Variants in TBXAS1 observed in about 807,000 individuals in gnomAD.
TBXAS1 encodes thromboxane A synthase 1, also known as thromboxane-A synthase.
TBXAS1 carries 48 observed loss-of-function variants against 60.7 expected under a neutral mutation model. That is an observed-to-expected ratio of 0.79 (90% CI 0.63 to 1.01). The LOEUF is 1.01. TBXAS1 is among the 50% of genes least tolerant of loss of function. The pLI, the probability that TBXAS1 is intolerant of heterozygous loss-of-function variation, is 0.00. For synonymous variants in TBXAS1, 287 were observed against 269.7 expected (o/e 1.06, Z -0.63); for missense variants, 685 against 686.3 (o/e 1.00, Z 0.02).
At chr7:139,919,596 C>T (rs1178322891) in intron 4 of TBXAS1, among the ~76,000 whole-genome samples, 1 of 152,204 alleles carries the variant, frequency 6.6e-6, no homozygotes, top group Non-Finnish European at 1.5e-5. Flanking sequence ...GCCTTTCATC[C>T]CTTTCTCCCG....
intron 1 of TBXAS1, among the ~76,000 whole-genome samples, chr7:139,847,997 T>C (rs1306060817): frequency 6.6e-6 from 1 of 152,026 alleles, no homozygotes; most frequent in Non-Finnish European, 1.5e-5. Flanking sequence ...AATTTTTAAA[T>C]TTTTTGTAGA....
chr7:139,911,730 G>A (rs539701943), intron 4 of TBXAS1, among the ~76,000 whole-genome samples: 2 of 152,188 alleles, frequency 1.3e-5, no homozygotes, highest in African/African-American at 2.4e-5. Flanking sequence ...GAAAGTATAA[G>A]AGTATTAAGG....
At chr7:139,984,605 TAAGA>T (rs1186785353) in intron 9 of TBXAS1, among the ~76,000 whole-genome samples, 3 of 25,874 alleles carry the variant, frequency 1.2e-4, no homozygotes, top group Admixed American at 4.3e-4. Flanking sequence ...AATAAAAAAA[TAAGA>T]AAGAAAGAGA....
intron 3 of TBXAS1, among the ~76,000 whole-genome samples, chr7:139,878,108 TGA>T (rs3070223): frequency 0.011 from 1,653 of 146,656 alleles, 32 homozygotes; most frequent in African/African-American, 0.036. Flanking sequence ...TGTGTGTGTG[TGA>T]GAGAGAGAGA....
chr7:139,949,629 T>G (rs1809035953), intron 5 of TBXAS1, among the ~76,000 whole-genome samples: 1 of 152,198 alleles, frequency 6.6e-6, no homozygotes, highest in African/African-American at 2.4e-5. Context: ...TTTGTGAGAA[T>G]TTAGAAAAGC....
intron 4 of TBXAS1, among the ~76,000 whole-genome samples, chr7:139,928,561 A>G (rs1031651076): frequency 2.0e-5 from 3 of 152,210 alleles, no homozygotes; most frequent in Non-Finnish European, 4.4e-5. Flanking sequence ...TCAGTAGTTC[A>G]TTATGAAAAT....
At chr7:139,850,960 G>T (rs1800174117) in intron 1 of TBXAS1, among the ~76,000 whole-genome samples, 1 of 152,198 alleles carries the variant, frequency 6.6e-6, no homozygotes, top group South Asian at 2.1e-4. Context: ...ATGATGAGAG[G>T]ATAATTTCTG....
chr7:139,980,176 T>C (rs559841098), intron 9 of TBXAS1, among the ~76,000 whole-genome samples: 1 of 152,332 alleles, frequency 6.6e-6, no homozygotes, highest in African/African-American at 2.4e-5. Context: ...AAACAAATCC[T>C]GCTCATTGCG....
At chr7:139,915,702 G>A (rs1012930807) in intron 4 of TBXAS1, among the ~76,000 whole-genome samples, 1 of 152,176 alleles carries the variant, frequency 6.6e-6, no homozygotes, top group Admixed American at 6.5e-5. Flanking sequence ...CTGGAGGTGG[G>A]GGTGATGCAA....
chr7:139,874,105 A>C (rs1802035169), intron 2 of TBXAS1, among the ~76,000 whole-genome samples: 1 of 151,934 alleles, frequency 6.6e-6, no homozygotes, highest in Non-Finnish European at 1.5e-5. Flanking sequence ...TCTTCCTAGC[A>C]TTTTTAAACA....
At position 140,007,156 on chromosome 7, in the gene TBXAS1, G is replaced by A. The variant is rs755811343; in HGVS notation, c.1200G>A (p.Thr400=). The A allele has an allele frequency of 3.7e-6, 6 of 1,613,988 alleles. No individual in the cohort carries two copies. Among genetic ancestry groups the A allele is most frequent in the African/African-American group, 2.7e-5 (2 of 74,908 alleles). The change falls in exon 10 of 13, where the codon ACG becomes ACA. Residue 400 remains threonine (T), a synonymous_variant. Coordinates refer to ENST00000448866, the MANE Select transcript of TBXAS1 (RefSeq NM_001061.7). The part of the protein sequence containing the change: ...LPYLDMVIAE[T]LRMYPPAFRF... ...ATCTGGACATGGTGATTGCAGAGAC[G>A]CTGAGGATGTACCCGCCAGCTTTCA... is the stretch of plus-strand genomic sequence containing the variant.
intron 4 of TBXAS1, among the ~76,000 whole-genome samples, chr7:139,790,674 G>A (rs116909157): frequency 0.014 from 2,119 of 152,264 alleles, 24 homozygotes; most frequent in Non-Finnish European, 0.021. Context: ...TGTTTTTCTT[G>A]CACCTATGAA....
Position 139,875,566 on chromosome 7 carries a change from AGT to A in TBXAS1, c.184-17_184-16del. On this transcript the variant is annotated splice_polypyrimidine_tract_variant and intron_variant, in intron 2 of 12. Transcript: ENST00000448866. ...TTTTGCTTAATCTTATTCTTACTAT[AGT>A]GCTGTGTTTCCTTCAGGGTTTTTGG... is the stretch of plus-strand genomic sequence containing the variant. The A allele has an allele frequency of 1.9e-6, 3 of 1,610,760 alleles. No homozygotes were observed. Among genetic ancestry groups the A allele is most frequent in the Non-Finnish European group, 1.7e-6 (2 of 1,176,904 alleles).
At chr7:139,887,456 C>T (rs956639649) in intron 3 of TBXAS1, among the ~76,000 whole-genome samples, 2 of 152,120 alleles carry the variant, frequency 1.3e-5, no homozygotes, top group Non-Finnish European at 2.9e-5. Flanking sequence ...CCCTGACAAC[C>T]ACCATTTTAC....
intron 9 of TBXAS1, among the ~76,000 whole-genome samples, chr7:139,991,422 G>A (rs8192857): frequency 1.9e-3 from 290 of 148,858 alleles, no homozygotes; most frequent in African/African-American, 6.9e-3. Context: ...TGCATCACCC[G>A]TCTCCACCCC....
rs578133271 is a variant in TBXAS1, at chr7:140,018,557, TC to T, written c.1527+731del. Among the ~76,000 whole-genome samples the T allele has an allele frequency of 2.7e-5, 4 of 150,924 alleles. No individual in the cohort carries two copies. The South Asian group carries it at 6.3e-4, about 24-fold the overall frequency. On this transcript the variant is annotated intron_variant, in intron 12 of 12. Transcript: ENST00000448866. ...CCTCACCCACTTTTCCAGCCCTATC[TC>T]CCCCCCACATCACACACTCCAGAAC...
chr7:139,954,017 T>G (rs958650933), intron 6 of TBXAS1, among the ~76,000 whole-genome samples: 3 of 147,620 alleles, frequency 2.0e-5, no homozygotes, highest in Non-Finnish European at 3.0e-5. Flanking sequence ...TTTTTTGCAG[T>G]TTTTTTTTTT....
chr7:139,955,760 G>A (rs1159991191), intron 7 of TBXAS1, among the ~76,000 whole-genome samples, 153 bp downstream of exon 7: 1 of 152,174 alleles, frequency 6.6e-6, no homozygotes, highest in East Asian at 1.9e-4. Context: ...TGGAGCCACC[G>A]GGTTCCTCTT....
intron 4 of TBXAS1, among the ~76,000 whole-genome samples, chr7:139,934,197 GT>G (rs201757595): frequency 6.7e-6 from 1 of 148,812 alleles, no homozygotes; most frequent in South Asian, 2.1e-4. Flanking sequence ...TTTTTCTTTT[GT>G]TTTTTTTGAG....
Sources: gnomAD v4.1 joint callset for allele counts (sites outside exome capture counted in the v4.1 genomes callset) on GRCh38, gnomAD v4.1.1 for gene constraint, MANE v1.5 for transcripts, NCBI Gene and HGNC (gene_info 2026-07-23, HGNC 2026-07-21) for gene names.